The following LY6G5C variants were observed in gnomAD, a reference collection of about 807,000 sequenced individuals.
LY6G5C encodes lymphocyte antigen 6 complex locus protein G5c.
LY6G5C carries 6 observed loss-of-function variants against 10.5 expected under a neutral mutation model. The ratio of observed to expected loss-of-function variants is 0.57; its 90% CI spans 0.31 to 1.12. The LOEUF is 1.12. Ranked by LOEUF, LY6G5C falls within the 50% of genes most tolerant of loss-of-function variation. LY6G5C has a pLI of 0.05. For synonymous variants in LY6G5C, 69 were observed against 67.8 expected, an observed-to-expected ratio of 1.02 and a Z score of -0.09; for missense variants, 160 against 185.5, an observed-to-expected ratio of 0.86 and a Z score of 0.80.
At chr6:31,677,624 T>C (rs1562069871) in intron 2 of LY6G5C, among the ~76,000 whole-genome samples, 1 of 152,130 alleles carries the variant, frequency 6.6e-6, no homozygotes, top group South Asian at 2.1e-4. Flanking sequence ...TCAGCTGTGA[T>C]ATGCGCATGC....
Position 31,679,889 on chromosome 6 carries a change from A to T in LY6G5C, c.121+364T>A, listed in dbSNP as rs2736198. ...TGGTGAAACCCCGTCTCTACTAAAT[A>T]TACAAAAATTAGCTGGGCTTGGTGG... On this transcript the variant is annotated intron_variant, in intron 1 of 2. Transcript: ENST00000383237. This position sits in a 1 kb window ranked among gnomAD's most constrained non-coding sequence, Gnocchi z 4.4. 15,215 of 208,538 alleles carry T rather than the reference A, an allele frequency of 0.073. 1,032 individuals carry two copies. Among genetic ancestry groups the T allele is most frequent in the African/African-American group, 0.2 (8,511 of 42,580 alleles). 12.9% of individuals were successfully genotyped at this position (208,538 alleles called of 1,614,324 possible).
rs1056325538 is a variant in LY6G5C, at chr6:31,679,361, C to T, written c.122-93G>A. On this transcript the variant is annotated intron_variant, in intron 1 of 2. Transcript: ENST00000383237. This position sits in a 1 kb window ranked among gnomAD's most constrained non-coding sequence, Gnocchi z 4.4. Reference sequence around the variant, plus strand: ...TCCAGGCCACTCAGCCCCACTCCTCCCTCCCTTCCTGTCTCAGAAAACCAT... The same window carrying T: ...TCCAGGCCACTCAGCCCCACTCCTCTCTCCCTTCCTGTCTCAGAAAACCAT... The T allele has an allele frequency of 2.2e-6, 3 of 1,375,994 alleles. No homozygotes were observed. Among genetic ancestry groups the T allele is most frequent in the South Asian group, 1.2e-5 (1 of 83,532 alleles). 85.2% of individuals were successfully genotyped at this position (1,375,994 alleles called of 1,614,324 possible).
chr6:31,678,927 C>A (rs990817598), intron 2 of LY6G5C, among the ~76,000 whole-genome samples, 174 bp downstream of exon 2: 1 of 151,682 alleles, frequency 6.6e-6, no homozygotes, highest in African/African-American at 2.4e-5. Flanking sequence ...TTGCAGTGAG[C>A]CAAGATTGCG....
At position 31,680,296 on chromosome 6, in the gene LY6G5C, G is replaced by A; in HGVS notation, c.78C>T (p.Tyr26=). The A allele has an allele frequency of 1.2e-6, 2 of 1,612,876 alleles. No homozygotes were observed. The highest frequency in any genetic ancestry group is 2.2e-5 in the South Asian group (2 of 91,074). Residue 26 remains tyrosine (Y), a synonymous_variant, in exon 1 of 3, where the codon TAC becomes TAT. Coordinates refer to ENST00000383237, the Ensembl canonical transcript of LY6G5C. This position sits in a 1 kb window ranked among gnomAD's most constrained non-coding sequence, Gnocchi z 4.5. ...TGACCAGCACTATTAAGAGGACCGTGTAGAGGGCTTGGGGGCTGCTGTGGA... is the reference window on the plus strand; with the variant it reads ...TGACCAGCACTATTAAGAGGACCGTATAGAGGGCTTGGGGGCTGCTGTGGA...
Position 31,680,290 on chromosome 6 carries a change from G to T in LY6G5C, c.84C>A (p.Val28=). 1 of 1,612,786 alleles carries T rather than the reference G, an allele frequency of 6.2e-7. No individual in the cohort carries two copies. Among genetic ancestry groups the T allele is most frequent in the East Asian group, 2.2e-5 (1 of 44,856 alleles). The change falls in exon 1 of 3, where the codon GTC becomes GTA. Residue 28 remains valine, a synonymous_variant. Transcript: ENST00000383237. The surrounding 1 kb of genome is among the most constrained non-coding windows in gnomAD (Gnocchi z 4.5). The stretch of plus-strand genomic sequence containing the variant: ...TCATCATGACCAGCACTATTAAGAG[G>T]ACCGTGTAGAGGGCTTGGGGGCTGC...
Position 31,679,182 on chromosome 6 carries a change from T to G in LY6G5C, c.208A>C (p.Lys70Gln). The change falls in exon 2 of 3, where the codon AAG (lysine) becomes CAG (glutamine). Residue 70 changes from lysine to glutamine, a missense_variant. By Grantham distance (53) the Lys-to-Gln change is moderately conservative (BLOSUM62 1). Coordinates refer to ENST00000383237, the Ensembl canonical transcript of LY6G5C. This position sits in a 1 kb window ranked among gnomAD's most constrained non-coding sequence, Gnocchi z 4.4. Reference sequence around the variant, plus strand: ...GATCCCAGAAGGCACCCTAACTCCTTGGTCTCCAAGAGGCATCGGTAGCAG... The same window carrying G: ...GATCCCAGAAGGCACCCTAACTCCTGGGTCTCCAAGAGGCATCGGTAGCAG... 6.2e-7 allele frequency: 1 copy of G among 1,612,978 alleles called. No homozygotes were observed. Among genetic ancestry groups the G allele is most frequent in the Non-Finnish European group, 8.5e-7 (1 of 1,179,988 alleles).
intron 2 of LY6G5C, 80 bp from the exon 3 acceptor site, chr6:31,677,200 T>TA: frequency 5.2e-6 from 7 of 1,355,238 alleles, no homozygotes; most frequent in South Asian, 4.1e-5. Context: ...CACTCATAAG[T>TA]CAAAAAAAAA....
At chr6:31,677,330 G>T (rs1471628665) in intron 2 of LY6G5C, among the ~76,000 whole-genome samples, 2 of 152,222 alleles carry the variant, frequency 1.3e-5, no homozygotes, top group Non-Finnish European at 2.9e-5. Context: ...GAAATGTAAT[G>T]GTTGGAGGGG....
rs1802741344 is a variant in LY6G5C, at chr6:31,679,130, C to A, written c.260G>T (p.Ser87Ile). The change falls in exon 2 of 3, where the codon AGC becomes ATC. Residue 87 changes from serine (S) to isoleucine (I), a missense_variant. Physicochemically the swap from Ser to Ile is moderately radical, Grantham distance 142. Coordinates refer to ENST00000383237, the Ensembl canonical transcript of LY6G5C. The surrounding 1 kb of genome is among the most constrained non-coding windows in gnomAD (Gnocchi z 4.4). ...CTTTTTGTGGAGAGTGATGCAGCTG[C>A]TGCCAGCTGGGGTGAGGCAGATGTC... 6.2e-7 allele frequency: 1 copy of A among 1,612,994 alleles called. No individual in the cohort carries two copies. Among genetic ancestry groups the A allele is most frequent in the African/African-American group, 1.3e-5 (1 of 74,998 alleles).
chr6:31,680,737 C>G (rs1802842854), upstream of LY6G5C, among the ~76,000 whole-genome samples: 1 of 152,176 alleles, frequency 6.6e-6, no homozygotes, highest in South Asian at 2.1e-4. The surrounding 1 kb of genome is among the most constrained non-coding windows in gnomAD (Gnocchi z 4.5). Flanking sequence ...AGGAGCACCT[C>G]GACAGTTAAA....
In LY6G5C at chr6:31,679,461, G is replaced by A; in HGVS notation, c.122-193C>T. On this transcript the variant is annotated intron_variant, in intron 1 of 2. Coordinates refer to ENST00000383237, the Ensembl canonical transcript of LY6G5C. This position sits in a 1 kb window ranked among gnomAD's most constrained non-coding sequence, Gnocchi z 4.4. ...CCCTTTTCCTCTGGTCCTAAGGCCAGACCACATGTTAACAAATCCCCAGAC... is the reference window on the plus strand; with the variant it reads ...CCCTTTTCCTCTGGTCCTAAGGCCAAACCACATGTTAACAAATCCCCAGAC... 4 of 626,674 alleles carry A rather than the reference G, an allele frequency of 6.4e-6. No homozygotes were observed. The South Asian group carries it at 7.7e-5, about 12-fold the overall frequency. The allele number at this position is 626,674 out of a possible 1,614,324, so 38.8% of individuals were successfully genotyped here.
At chr6:31,677,064 A>G (rs1209442341) in exon 3 of LY6G5C, 6 of 1,613,008 alleles carry the variant, frequency 3.7e-6, no homozygotes, top group Non-Finnish European at 5.1e-6. Context: ...GTATTTGAAC[A>G]ATCACTCATC....
chr6:31,677,149 A>G, intron 2 of LY6G5C, 29 bp from the exon 3 acceptor site: 1 of 1,608,762 alleles, frequency 6.2e-7, no homozygotes, highest in East Asian at 2.2e-5. Context: ...CACCAGTGAT[A>G]CGGAAGTCCC....
At chr6:31,677,391 G>A (rs566165123) in intron 2 of LY6G5C, among the ~76,000 whole-genome samples, 1 of 152,274 alleles carries the variant, frequency 6.6e-6, no homozygotes, top group Admixed American at 6.5e-5. Flanking sequence ...ATAGGACCAT[G>A]TGAGAAAAAG....
At position 31,676,976 on chromosome 6, in the gene LY6G5C, C is replaced by G. The variant is rs1372679813; in HGVS notation, c.434G>C (p.Arg145Thr). ...GTCACACTAAGGAGTATAGAGCCCT[C>G]TGTTTTGAGGGTCATTGCAGAAATC... is the stretch of plus-strand genomic sequence containing the variant. The change falls in exon 3 of 3, where the codon AGA becomes ACA. Residue 145 changes from arginine to threonine, a missense_variant. By Grantham distance (71) the Arg-to-Thr change is moderately conservative (BLOSUM62 -1). Coordinates refer to ENST00000383237, the Ensembl canonical transcript of LY6G5C. 3.1e-6 allele frequency: 5 copies of G among 1,612,904 alleles called. No individual in the cohort carries two copies. In the South Asian group the frequency reaches 5.5e-5, roughly 18 times the overall value.
Position 31,679,192 on chromosome 6 carries a change from G to C in LY6G5C, c.198C>G (p.Leu66=). ...GGCACCCTAACTCCTTGGTCTCCAA[G>C]AGGCATCGGTAGCAGCGCAGGTATT... Residue 66 remains leucine (L), a synonymous_variant, in exon 2 of 3, where the codon CTC becomes CTG. Transcript: ENST00000383237. The surrounding 1 kb of genome is among the most constrained non-coding windows in gnomAD (Gnocchi z 4.4). 1.9e-6 allele frequency: 3 copies of C among 1,613,046 alleles called. No homozygotes were observed. Among genetic ancestry groups the C allele is most frequent in the Non-Finnish European group, 2.5e-6 (3 of 1,180,026 alleles).
intron 2 of LY6G5C, among the ~76,000 whole-genome samples, chr6:31,677,829 C>T (rs1802665241): frequency 1.3e-5 from 2 of 152,064 alleles, no homozygotes; most frequent in Admixed American, 6.6e-5. Context: ...TAAAAGATTG[C>T]AGGAGGGATC....
In LY6G5C at chr6:31,680,229, T is replaced by C. The variant is rs773205347; in HGVS notation, c.121+24A>G. On this transcript the variant is annotated intron_variant, in intron 1 of 2. Coordinates refer to ENST00000383237, the Ensembl canonical transcript of LY6G5C. This position sits in a 1 kb window ranked among gnomAD's most constrained non-coding sequence, Gnocchi z 4.5. Reference sequence around the variant, plus strand: ...TTTCTCCATCCAGGCCAGGAGACCCTTCTGAACCCTTGGAGCCACTTACCA... The same window carrying C: ...TTTCTCCATCCAGGCCAGGAGACCCCTCTGAACCCTTGGAGCCACTTACCA... 2.4e-5 allele frequency: 38 copies of C among 1,612,890 alleles called. 1 individual carries two copies. In the South Asian group the frequency reaches 3.8e-4, roughly 16 times the overall value.
At chr6:31,677,189 A>C in intron 2 of LY6G5C, 69 bp from the exon 3 acceptor site, 1 of 1,460,824 alleles carries the variant, frequency 6.8e-7, no homozygotes, top group Non-Finnish European at 9.4e-7. Flanking sequence ...TCTCATCCCC[A>C]CACTCATAAG....
Sources: allele counts gnomAD v4.1 joint callset (sites outside exome capture counted in the v4.1 genomes callset), GRCh38; gene constraint gnomAD v4.1.1; non-coding constraint Gnocchi (gnomAD v3.1); transcripts MANE v1.5; gene names NCBI Gene and HGNC (gene_info 2026-07-23, HGNC 2026-07-21).